MMP16: variants seen among roughly 807,000 people sequenced by gnomAD.
MMP16 encodes matrix metallopeptidase 16.
A neutral mutation model predicts 67.8 loss-of-function variants in MMP16; 12 were observed. The observed-to-expected ratio is 0.18, with a 90% CI of 0.11 to 0.29. The LOEUF is 0.29. MMP16 is among the 10% of genes least tolerant of loss of function. MMP16 has a pLI of 1.00. For missense variants in MMP16, 475 were observed against 765.7 expected (o/e 0.62, Z 4.48); for synonymous variants, 249 against 255.9 (o/e 0.97, Z 0.26).
chr8:88,258,039 T>C (rs1585982988), intron 1 of MMP16, among the ~76,000 whole-genome samples: 1 of 134,604 alleles, frequency 7.4e-6, no homozygotes, highest in East Asian at 2.0e-4. Flanking sequence ...GCAATGACTC[T>C]TTTTCTTTTT....
At chr8:88,240,983 T>G (rs1180315954) in intron 1 of MMP16, among the ~76,000 whole-genome samples, 1 of 152,174 alleles carries the variant, frequency 6.6e-6, no homozygotes, top group Non-Finnish European at 1.5e-5. Context: ...TCTACATTCT[T>G]GTATATATTA....
At chr8:88,216,430 A>G (rs572248670) in intron 1 of MMP16, among the ~76,000 whole-genome samples, 44 of 152,212 alleles carry the variant, frequency 2.9e-4, no homozygotes, top group Non-Finnish European at 4.3e-4. Context: ...ATAACTATCA[A>G]TGTCAGGAAG....
At chr8:88,203,785 C>T (rs1027482469) in intron 1 of MMP16, among the ~76,000 whole-genome samples, 1 of 152,130 alleles carries the variant, frequency 6.6e-6, no homozygotes, top group Non-Finnish European at 1.5e-5. Context: ...TATAAGTTGT[C>T]AAACTTAAAT....
intron 6 of MMP16, among the ~76,000 whole-genome samples, chr8:88,098,227 A>G (rs1426468526): frequency 6.6e-6 from 1 of 152,034 alleles, no homozygotes; most frequent in Non-Finnish European, 1.5e-5. Flanking sequence ...CTCAGGATGT[A>G]TTACTACACT....
intron 4 of MMP16, among the ~76,000 whole-genome samples, chr8:88,158,180 T>A (rs1475223665): frequency 2.6e-5 from 4 of 152,182 alleles, no homozygotes; most frequent in African/African-American, 4.8e-5. Flanking sequence ...CCTTTGGGTA[T>A]ATACCCAGTA....
intron 1 of MMP16, among the ~76,000 whole-genome samples, chr8:88,317,506 C>T (rs1016502641): frequency 6.6e-6 from 1 of 152,084 alleles, no homozygotes; most frequent in Non-Finnish European, 1.5e-5. Flanking sequence ...GTAAATATAA[C>T]TTTTATATGC....
chr8:88,037,759 GAAC>G lies in MMP16; in HGVS notation c.*3699_*3701del, dbSNP rs1563514038. On this transcript the variant is annotated 3_prime_UTR_variant, in exon 10 of 10. Coordinates refer to ENST00000286614, the MANE Select transcript of MMP16 (RefSeq NM_005941.5). Reference sequence around the variant, plus strand: ...CATTGCATTTGTTTAATAATACACAGAACAACAATATTTTACTAAAATTCTTAA... The same window carrying G: ...CATTGCATTTGTTTAATAATACACAGAACAATATTTTACTAAAATTCTTAA... 1.3e-5 allele frequency: 2 copies of G among 151,890 alleles called. No homozygotes were observed. The highest frequency in any genetic ancestry group is 2.9e-5 in the Non-Finnish European group (2 of 67,888). The allele number at this position is 151,890 out of a possible 1,614,324, so 9.4% of individuals were successfully genotyped here. A position where few individuals can be genotyped will look rare whatever the true frequency, so the allele number is the denominator to read the frequency against.
intron 1 of MMP16, among the ~76,000 whole-genome samples, chr8:88,303,681 A>T (rs1384091883): frequency 6.6e-6 from 1 of 152,228 alleles, no homozygotes; most frequent in Non-Finnish European, 1.5e-5. Flanking sequence ...AACTGAGGCA[A>T]CTAGGGTCTG....
At chr8:88,217,565 T>C (rs1809614434) in intron 1 of MMP16, among the ~76,000 whole-genome samples, 1 of 152,052 alleles carries the variant, frequency 6.6e-6, no homozygotes, top group Admixed American at 6.6e-5. Context: ...ACTGGCTTCA[T>C]CATCTTAAAC....
chr8:88,227,365 G>GAC (rs1424439264), intron 1 of MMP16, among the ~76,000 whole-genome samples: 1 of 151,934 alleles, frequency 6.6e-6, no homozygotes, highest in Non-Finnish European at 1.5e-5. Context: ...GATTAAAAGG[G>GAC]ACGAAAAATT....
intron 6 of MMP16, among the ~76,000 whole-genome samples, chr8:88,109,093 T>C (rs987179725): frequency 6.6e-6 from 1 of 151,506 alleles, no homozygotes; most frequent in African/African-American, 2.4e-5. Flanking sequence ...AGTAAAAAGA[T>C]TGTTTATTAA....
At chr8:88,181,324 A>T (rs1808977108) in intron 3 of MMP16, among the ~76,000 whole-genome samples, 1 of 152,076 alleles carries the variant, frequency 6.6e-6, no homozygotes, top group Non-Finnish European at 1.5e-5. Flanking sequence ...CTAATAAGCA[A>T]TTATAGTAAA....
chr8:88,296,140 C>T lies in MMP16; in HGVS notation c.132+30935G>A, dbSNP rs1811009748. On this transcript the variant is annotated intron_variant, in intron 1 of 9. Coordinates refer to ENST00000286614, the MANE Select transcript of MMP16 (RefSeq NM_005941.5). ...TCCATCATTCATCCATTTATTCATT[C>T]ATTTATTCAACGATTATTCGCCAGC... 3.9e-5 allele frequency among the ~76,000 whole-genome samples: 6 copies of T among 152,124 alleles called. No homozygotes were observed. The South Asian group carries it at 1.2e-3, about 32-fold the overall frequency.
At chr8:88,163,221 C>A (rs868624084) in intron 4 of MMP16, among the ~76,000 whole-genome samples, 3 of 151,974 alleles carry the variant, frequency 2.0e-5, no homozygotes, top group Admixed American at 6.6e-5. Context: ...AAGTCCTGTC[C>A]GTTGACTCAA....
intron 1 of MMP16, among the ~76,000 whole-genome samples, chr8:88,210,190 G>A (rs2129815778): frequency 6.6e-6 from 1 of 152,262 alleles, no homozygotes; most frequent in East Asian, 1.9e-4. Context: ...TTTTATAGCA[G>A]CCTGAATTGA....
chr8:88,256,156 T>A (rs944511591), intron 1 of MMP16, among the ~76,000 whole-genome samples: 2 of 152,208 alleles, frequency 1.3e-5, no homozygotes, highest in Admixed American at 1.3e-4. Flanking sequence ...GTTAAATACA[T>A]TCTAAGCCAA....
rs148521981 is a variant in MMP16 at position 88,148,958 on chromosome 8, T to A, written c.709+18711A>T. On this transcript the variant is annotated intron_variant, in intron 4 of 9. Coordinates refer to ENST00000286614, the MANE Select transcript of MMP16 (RefSeq NM_005941.5). ...ATTTCCATCTGAGGTACCGGGTTCA[T>A]CTCATTAGGGAGTGCCAGACAGTGG... 6.4e-3 allele frequency among the ~76,000 whole-genome samples: 982 copies of A among 152,262 alleles called. 14 individuals are homozygous for A. Among genetic ancestry groups the A allele is most frequent in the African/African-American group, 0.023 (941 of 41,570 alleles).
intron 6 of MMP16, among the ~76,000 whole-genome samples, chr8:88,092,431 C>T (rs556238171): frequency 6.6e-6 from 1 of 151,950 alleles, no homozygotes; most frequent in Admixed American, 6.6e-5. Context: ...CAACTCTTAG[C>T]ATCTATCACA....
intron 4 of MMP16, among the ~76,000 whole-genome samples, chr8:88,156,549 T>C (rs747575821): frequency 2.6e-5 from 4 of 152,152 alleles, no homozygotes; most frequent in African/African-American, 9.7e-5. Flanking sequence ...GTTTACATTG[T>C]AAGAAATTTA....
Sources: allele counts gnomAD v4.1 joint callset (sites outside exome capture counted in the v4.1 genomes callset), GRCh38; gene constraint gnomAD v4.1.1; transcripts MANE v1.5; gene names NCBI Gene and HGNC (gene_info 2026-07-23, HGNC 2026-07-21).